The following CSGALNACT1 variants were observed in gnomAD, a reference collection of about 807,000 sequenced individuals.
The protein encoded by CSGALNACT1 is chondroitin sulfate N-acetylgalactosaminyltransferase 1, also known as beta4GalNAcT-1.
CSGALNACT1 carries 52 observed loss-of-function variants against 51.0 expected under a neutral mutation model. That is an observed-to-expected ratio of 1.02 (90% confidence interval 0.82 to 1.29). The LOEUF (loss-of-function observed/expected upper bound fraction) is 1.29, where lower values mean the gene tolerates loss of function less well. CSGALNACT1 is among the 50% of genes most tolerant of loss of function. CSGALNACT1 has a pLI of 0.00. For missense variants in CSGALNACT1, 935 were observed against 679.2 expected (o/e 1.38, Z -4.19); for synonymous variants, 341 against 254.4 (o/e 1.34, Z -3.24).
rs141406243 is a variant in CSGALNACT1 at position 19,457,538 on chromosome 8, G to A, written c.851+888C>T. ...TGAGGCAGGAGAATTACCTGAACCT[G>A]GGAGGTGAAGGTTGCAGTGAGCAGA... On this transcript the variant is annotated intron_variant, in intron 5 of 9. Coordinates refer to ENST00000454498, the Ensembl canonical transcript of CSGALNACT1. The A allele has an allele frequency of 1.1e-3, 554 of 508,442 alleles. 1 individual carries two copies. The highest frequency in any genetic ancestry group is 0.011 in the Middle Eastern group (18 of 1,662). 31.5% of individuals were successfully genotyped at this position (508,442 alleles called of 1,614,324 possible).
intron 4 of CSGALNACT1, among the ~76,000 whole-genome samples, chr8:19,499,931 T>A (rs985832430): frequency 1.4e-4 from 21 of 152,324 alleles, no homozygotes; most frequent in African/African-American, 5.1e-4. Context: ...GGGCCACTCT[T>A]TTCTCACCAT....
At chr8:19,547,700 T>C (rs537585069) in intron 3 of CSGALNACT1, among the ~76,000 whole-genome samples, 1 of 152,290 alleles carries the variant, frequency 6.6e-6, no homozygotes, top group East Asian at 1.9e-4. Context: ...ACTAATACCG[T>C]AGAATACAAT....
At chr8:19,695,401 C>T (rs2061535585) in intron 1 of CSGALNACT1, among the ~76,000 whole-genome samples, 1 of 152,116 alleles carries the variant, frequency 6.6e-6, no homozygotes, top group Non-Finnish European at 1.5e-5. Context: ...TCTACTCTGC[C>T]ACTAATTAGC....
At chr8:19,679,628 G>A (rs1029297132) in intron 1 of CSGALNACT1, among the ~76,000 whole-genome samples, 8 of 151,934 alleles carry the variant, frequency 5.3e-5, no homozygotes, top group African/African-American at 1.7e-4. Context: ...TCTTCAAATC[G>A]CCTTTCAACC....
At chr8:19,505,249 C>G (rs564248500) in exon 4 of CSGALNACT1, 16 of 1,614,078 alleles carry the variant, frequency 9.9e-6, no homozygotes, top group Non-Finnish European at 1.4e-5. Flanking sequence ...GGGCTGTTCT[C>G]TGCAGGACTG....
chr8:19,681,942 G>A (rs1239282630), intron 1 of CSGALNACT1, among the ~76,000 whole-genome samples: 1 of 152,222 alleles, frequency 6.6e-6, no homozygotes, highest in East Asian at 1.9e-4. Flanking sequence ...ACCTGCCAGT[G>A]TCCATTTTCT....
upstream of CSGALNACT1, among the ~76,000 whole-genome samples, chr8:19,685,165 G>A (rs989426476): frequency 3.9e-5 from 6 of 152,190 alleles, no homozygotes; most frequent in South Asian, 4.1e-4. Flanking sequence ...AAAACCTGAC[G>A]AAGCAAGGCC....
chr8:19,431,756 C>T (rs548091771), intron 6 of CSGALNACT1, among the ~76,000 whole-genome samples: 1 of 152,054 alleles, frequency 6.6e-6, no homozygotes, highest in African/African-American at 2.4e-5. Context: ...ATTCTTTAAA[C>T]ACTTGGTAGA....
chr8:19,748,063 T>C (rs5013679), intron 1 of CSGALNACT1, among the ~76,000 whole-genome samples: 52,853 of 151,792 alleles, frequency 0.35, 9,409 homozygotes, highest in African/African-American at 0.41. Context: ...TCAAAAAAAA[T>C]CTTACTTCTA....
intron 1 of CSGALNACT1, among the ~76,000 whole-genome samples, chr8:19,648,651 T>A (rs945655071): frequency 1.3e-5 from 2 of 151,950 alleles, no homozygotes; most frequent in African/African-American, 2.4e-5. Flanking sequence ...CTACAAAAAG[T>A]ACTAAAATTA....
intron 8 of CSGALNACT1, among the ~76,000 whole-genome samples, chr8:19,414,166 C>T (rs1307286796): frequency 1.3e-5 from 2 of 152,176 alleles, no homozygotes; most frequent in Non-Finnish European, 2.9e-5. Context: ...TCCTGCACCC[C>T]CTCTTCAGAG....
At chr8:19,492,688 C>T (rs13276417) in intron 4 of CSGALNACT1, among the ~76,000 whole-genome samples, 88,460 of 152,076 alleles carry the variant, frequency 0.58, 26,553 homozygotes, top group East Asian at 0.84. Context: ...TGCTGGTCCA[C>T]GCCACTGGCC....
chr8:19,553,902 AACACACACACAC>A lies in CSGALNACT1; in HGVS notation c.-297+37246_-297+37257del, dbSNP rs34664028. Among the ~76,000 whole-genome samples, 5 of 147,560 alleles carry A rather than the reference AACACACACACAC, an allele frequency of 3.4e-5. No individual in the cohort carries two copies. In the East Asian group the frequency reaches 1.0e-3, roughly 29 times the overall value. On this transcript the variant is annotated intron_variant, in intron 3 of 9. Transcript: ENST00000454498. ...TCACCGAACAAGAAAGAACTCGTAG[AACACACACACAC>A]ACACACACACACCCAGAATCAATAA...
chr8:19,454,669 A>AAAAT (rs978495732), intron 5 of CSGALNACT1, among the ~76,000 whole-genome samples: 1 of 152,182 alleles, frequency 6.6e-6, no homozygotes, highest in African/African-American at 2.4e-5. Flanking sequence ...ACTCTGTCTC[A>AAAAT]AAATAAATAA....
intron 1 of CSGALNACT1, among the ~76,000 whole-genome samples, chr8:19,691,764 T>C (rs939271392): frequency 2.6e-5 from 4 of 152,118 alleles, no homozygotes; most frequent in Admixed American, 1.3e-4. Context: ...TCTGGAACAC[T>C]GTAAGAGCCA....
At chr8:19,475,236 C>T (rs935156243) in intron 4 of CSGALNACT1, among the ~76,000 whole-genome samples, 9 of 152,044 alleles carry the variant, frequency 5.9e-5, no homozygotes, top group Non-Finnish European at 1.0e-4. Context: ...ATGCAGAAGC[C>T]GAGAAAGTCT....
chr8:19,660,593 A>G (rs1178691053), intron 1 of CSGALNACT1, among the ~76,000 whole-genome samples: 1 of 152,188 alleles, frequency 6.6e-6, no homozygotes, highest in Non-Finnish European at 1.5e-5. Context: ...GTACATCTAA[A>G]GAGTCTGGGG....
intron 6 of CSGALNACT1, among the ~76,000 whole-genome samples, chr8:19,431,966 C>A (rs2059714187): frequency 6.6e-6 from 1 of 151,700 alleles, no homozygotes; most frequent in East Asian, 1.9e-4. Context: ...TAATTTTTTT[C>A]TATGAAGCTG....
chr8:19,610,921 G>A (rs1453088235), intron 1 of CSGALNACT1, among the ~76,000 whole-genome samples: 1 of 152,296 alleles, frequency 6.6e-6, no homozygotes, highest in Non-Finnish European at 1.5e-5. Flanking sequence ...TGCCCACTGC[G>A]GCTTCCGGAG....
Sources: allele counts gnomAD v4.1 joint callset (sites outside exome capture counted in the v4.1 genomes callset), GRCh38; gene constraint gnomAD v4.1.1; transcripts MANE v1.5; gene names NCBI Gene and HGNC (gene_info 2026-07-23, HGNC 2026-07-21).